Variants in COL9A1 observed in about 807,000 individuals in gnomAD.
COL9A1 encodes collagen type IX alpha 1 chain.
In COL9A1, 104 loss-of-function variants were observed where a neutral mutation model predicts 142.6. That is an observed-to-expected ratio of 0.73 (90% CI 0.62 to 0.86). The LOEUF (loss-of-function observed/expected upper bound fraction) is 0.86. Ranked by LOEUF, COL9A1 falls within the 40% of genes least tolerant of loss-of-function variation. The pLI, the probability that COL9A1 is intolerant of heterozygous loss-of-function variation, is 0.00. For synonymous variants in COL9A1, 466 were observed against 396.0 expected (o/e 1.18, Z -2.10); for missense variants, 1,210 against 1,176.6 (o/e 1.03, Z -0.42).
intron 32 of COL9A1, 115 bp from the exon 33 acceptor site, chr6:70,239,401 C>T (rs1274396507): frequency 9.4e-6 from 7 of 740,904 alleles, no homozygotes; most frequent in African/African-American, 5.3e-5. Flanking sequence ...AACAGATTAA[C>T]TCCGGCACTG....
chr6:70,235,883 G>C (rs1455269397), intron 33 of COL9A1, among the ~76,000 whole-genome samples: 3 of 152,018 alleles, frequency 2.0e-5, no homozygotes, highest in Non-Finnish European at 2.9e-5. Flanking sequence ...GGGAGGCCCA[G>C]GTGGGCGGAT....
intron 25 of COL9A1, 58 bp from the exon 26 acceptor site, chr6:70,253,487 G>T (rs1364742293): frequency 4.8e-6 from 6 of 1,254,906 alleles, no homozygotes; most frequent in Non-Finnish European, 7.0e-6. Context: ...TCCATGAGAT[G>T]CCAAGCCCAC....
chr6:70,257,513 G>T (rs572515954), intron 20 of COL9A1, among the ~76,000 whole-genome samples: 1 of 152,062 alleles, frequency 6.6e-6, no homozygotes, highest in South Asian at 2.1e-4. Flanking sequence ...TTAATTAACC[G>T]CCAGGTGGGG....
At position 70,294,263 on chromosome 6, in the gene COL9A1, C is replaced by A; in HGVS notation, c.600G>T (p.Arg200Ser). 1 of 1,614,072 alleles carries A rather than the reference C, an allele frequency of 6.2e-7. No homozygotes were observed. The highest frequency in any genetic ancestry group is 1.1e-5 in the South Asian group (1 of 91,082). ...TTGGCTTTATAGGTAAAGATTCAATCCTGTTGCAGTCAACAAAAAGAGTAG... is the reference window on the plus strand; with the variant it reads ...TTGGCTTTATAGGTAAAGATTCAATACTGTTGCAGTCAACAAAAAGAGTAG... ...SSATLFVDCNRIESLPIKPRG... is the reference protein window; with the variant it reads ...SSATLFVDCNSIESLPIKPRG... The change falls in exon 5 of 38, where the codon AGG becomes AGT. Residue 200 changes from arginine to serine, a missense_variant. Physicochemically the swap from Arg to Ser is moderately radical, Grantham distance 110. Coordinates refer to ENST00000357250, the MANE Select transcript of COL9A1 (RefSeq NM_001851.6).
chr6:70,270,467 C>A (rs1772324683), intron 14 of COL9A1, 100 bp from the exon 15 acceptor site: 5 of 1,109,192 alleles, frequency 4.5e-6, no homozygotes, highest in Non-Finnish European at 5.2e-6. Flanking sequence ...TGGAAACCCC[C>A]ACCGAGCTCA....
chr6:70,267,327 G>GGTTTTTTTTTTTT lies in COL9A1; in HGVS notation c.1288-558_1288-557insAAAAAAAAAAAAC, dbSNP rs757813161. ...TTGTTGTTGTTTGTTTGGTTTTTTT[G>GGTTTTTTTTTTTT]TTTTTTTTTTTTGAGATGGAGCTTC... On this transcript the variant is annotated intron_variant, in intron 17 of 37. Transcript: ENST00000357250. 1.1e-4 allele frequency among the ~76,000 whole-genome samples: 14 copies of GGTTTTTTTTTTTT among 127,058 alleles called. 2 individuals carry two copies. The highest frequency in any genetic ancestry group is 4.2e-4 in the African/African-American group (14 of 33,662). 83.4% of individuals were successfully genotyped at this position (127,058 alleles called of 152,430 possible).
intron 12 of COL9A1, among the ~76,000 whole-genome samples, chr6:70,272,383 C>T (rs1310881221): frequency 1.3e-5 from 2 of 152,048 alleles, no homozygotes; most frequent in South Asian, 2.1e-4. Flanking sequence ...CTCAGGAGAA[C>T]TTACCATAAC....
intron 18 of COL9A1, among the ~76,000 whole-genome samples, chr6:70,266,266 A>G (rs1266580538): frequency 2.0e-5 from 3 of 152,014 alleles, no homozygotes; most frequent in Admixed American, 6.6e-5. Flanking sequence ...AAATAAATAG[A>G]TAAATTGTTT....
intron 35 of COL9A1, among the ~76,000 whole-genome samples, chr6:70,234,312 A>G (rs574825629): frequency 1.3e-5 from 2 of 151,794 alleles, no homozygotes; most frequent in Admixed American, 1.3e-4. Context: ...AACAAAAAAA[A>G]GGCAGGATAA....
intron 33 of COL9A1, among the ~76,000 whole-genome samples, chr6:70,238,685 T>C (rs1000916784): frequency 6.6e-6 from 1 of 152,204 alleles, no homozygotes; most frequent in Non-Finnish European, 1.5e-5. Flanking sequence ...TAACACTCAT[T>C]GAGTCATTTA....
At chr6:70,265,704 A>C (rs1771967457) in intron 18 of COL9A1, among the ~76,000 whole-genome samples, 1 of 152,106 alleles carries the variant, frequency 6.6e-6, no homozygotes, top group African/African-American at 2.4e-5. Flanking sequence ...TATATTTCAG[A>C]TAAATAAAAT....
chr6:70,277,662 C>T (rs1266442745), intron 10 of COL9A1, among the ~76,000 whole-genome samples: 1 of 152,188 alleles, frequency 6.6e-6, no homozygotes, highest in East Asian at 1.9e-4. Context: ...TGGTAGGACT[C>T]AAGGCTTACT....
intron 6 of COL9A1, 72 bp downstream of exon 6, chr6:70,283,665 G>A: frequency 8.7e-7 from 1 of 1,151,806 alleles, no homozygotes; most frequent in South Asian, 1.3e-5. Context: ...GAGGTGGCAA[G>A]ATGGGAAAGT....
At chr6:70,297,250 G>C (rs1284768672) in intron 4 of COL9A1, among the ~76,000 whole-genome samples, 1 of 152,096 alleles carries the variant, frequency 6.6e-6, no homozygotes, top group South Asian at 2.1e-4. Flanking sequence ...GTTTGAGATT[G>C]CTAAATGAAT....
At position 70,281,924 on chromosome 6, in the gene COL9A1, A is replaced by G. The variant is rs112793242; in HGVS notation, c.802-460T>C. Among the ~76,000 whole-genome samples, 936 of 152,252 alleles carry G rather than the reference A, an allele frequency of 6.1e-3. 11 individuals carry two copies. The highest frequency in any genetic ancestry group is 0.021 in the African/African-American group (887 of 41,532). On this transcript the variant is annotated intron_variant, in intron 7 of 37. Coordinates refer to ENST00000357250, the MANE Select transcript of COL9A1 (RefSeq NM_001851.6). ...AGGATCTTTGTCCAGTAGAATGGGG[A>G]GGCGGGGCGTACACTTGAGGAAAAG...
At chr6:70,246,331 G>C (rs1770607545) in intron 28 of COL9A1, 1 of 152,090 alleles carries the variant, frequency 6.6e-6, no homozygotes, top group Non-Finnish European at 1.5e-5. Context: ...CTGCATTCCA[G>C]CCTGGGCAAC....
At chr6:70,225,421 A>G (rs1769167655) in intron 37 of COL9A1, among the ~76,000 whole-genome samples, 1 of 151,800 alleles carries the variant, frequency 6.6e-6, no homozygotes, top group Non-Finnish European at 1.5e-5. Flanking sequence ...AGTGATTATG[A>G]GCAGGAATGT....
At chr6:70,229,548 C>G (rs1363166920) in intron 36 of COL9A1, among the ~76,000 whole-genome samples, 3 of 152,146 alleles carry the variant, frequency 2.0e-5, no homozygotes, top group Non-Finnish European at 4.4e-5. Flanking sequence ...AGGTGTTAGT[C>G]ATAATTATGA....
Position 70,252,183 on chromosome 6 carries a change from G to C in COL9A1, c.1819-10C>G, listed in dbSNP as rs1391902301. The C allele has an allele frequency of 1.4e-5, 23 of 1,614,148 alleles. No individual in the cohort carries two copies. The highest frequency in any genetic ancestry group is 1.4e-5 in the Non-Finnish European group (16 of 1,180,014). On this transcript the variant is annotated splice_polypyrimidine_tract_variant and intron_variant, in intron 27 of 37. Coordinates refer to ENST00000357250, the MANE Select transcript of COL9A1 (RefSeq NM_001851.6). ...GAGGCCCCTGTTGGCCCTGTTATCA[G>C]GAAGGAAGGTAGAAAAAAAGTTAAC...
Sources: allele counts gnomAD v4.1 joint callset (sites outside exome capture counted in the v4.1 genomes callset), GRCh38; gene constraint gnomAD v4.1.1; transcripts MANE v1.5; gene names NCBI Gene and HGNC (gene_info 2026-07-23, HGNC 2026-07-21).